The following SEPTIN7 variants were observed in gnomAD, a reference collection of about 807,000 sequenced individuals.
The protein encoded by SEPTIN7 is septin 7, also known as septin-7.
A neutral mutation model predicts 63.3 loss-of-function variants in SEPTIN7; 10 were observed. The observed-to-expected ratio is 0.16, with a 90% CI of 0.10 to 0.27. The LOEUF (loss-of-function observed/expected upper bound fraction) is 0.27. SEPTIN7 is among the 10% of genes least tolerant of loss of function. SEPTIN7 has a pLI of 1.00. For synonymous variants in SEPTIN7, 131 were observed against 165.3 expected, an observed-to-expected ratio of 0.79 and a Z score of 1.59; for missense variants, 310 against 521.0, an observed-to-expected ratio of 0.59 and a Z score of 3.94.
chr7:35,861,461 T>A (rs1785505048), intron 3 of SEPTIN7, among the ~76,000 whole-genome samples: 1 of 152,238 alleles, frequency 6.6e-6, no homozygotes, highest in African/African-American at 2.4e-5. Context: ...TAGTTGAGCA[T>A]GCCCTTAACG....
At chr7:35,835,318 C>T (rs1420643) in intron 3 of SEPTIN7, among the ~76,000 whole-genome samples, 1 of 151,910 alleles carries the variant, frequency 6.6e-6, no homozygotes, top group Non-Finnish European at 1.5e-5. Flanking sequence ...GTCCTGTTGG[C>T]GGAAATAATA....
At chr7:35,833,046 A>T (rs1390967621) in intron 3 of SEPTIN7, 146 bp downstream of exon 3, 1 of 567,878 alleles carries the variant, frequency 1.8e-6, no homozygotes, top group East Asian at 2.9e-5. Flanking sequence ...TACATTTTAA[A>T]ATTTAACTCA....
intron 6 of SEPTIN7, among the ~76,000 whole-genome samples, chr7:35,874,893 A>G (rs1478019478): frequency 1.3e-5 from 2 of 152,162 alleles, no homozygotes; most frequent in African/African-American, 4.8e-5. Context: ...AAAATACAAC[A>G]TATTATATAA....
intron 4 of SEPTIN7, among the ~76,000 whole-genome samples, chr7:35,869,521 T>G (rs1786021126): frequency 6.6e-6 from 1 of 152,206 alleles, no homozygotes; most frequent in Non-Finnish European, 1.5e-5. Flanking sequence ...GGTAGGCTCT[T>G]GACAGAAAAT....
At chr7:35,846,930 T>A (rs189434437) in intron 3 of SEPTIN7, 1 of 152,278 alleles carries the variant, frequency 6.6e-6, no homozygotes, top group Non-Finnish European at 1.5e-5. Context: ...AGATCTTTAT[T>A]AGCAGATACC....
At chr7:35,882,685 A>G (rs1786963741) in intron 8 of SEPTIN7, 109 bp downstream of exon 8, 1 of 985,176 alleles carries the variant, frequency 1.0e-6, no homozygotes, top group Non-Finnish European at 1.3e-6. Context: ...TTGGCTTACA[A>G]AATACCTAGG....
chr7:35,839,804 C>T (rs1478905080), intron 3 of SEPTIN7, among the ~76,000 whole-genome samples: 8 of 152,150 alleles, frequency 5.3e-5, no homozygotes, highest in East Asian at 1.9e-4. Flanking sequence ...CCACTTGCCT[C>T]GGCCTCCCAA....
downstream of SEPTIN7, among the ~76,000 whole-genome samples, chr7:35,907,592 G>C (rs371447928): frequency 2.0e-5 from 3 of 152,112 alleles, no homozygotes; most frequent in East Asian, 5.8e-4. Flanking sequence ...AGTTTGAACT[G>C]GTCTTAGTTA....
In SEPTIN7 at chr7:35,904,463, T is replaced by C. The variant is rs1788503788; in HGVS notation, c.*170T>C. The C allele has an allele frequency of 6.0e-6, 3 of 503,714 alleles. No individual in the cohort carries two copies. The highest frequency in any genetic ancestry group is 6.9e-6 in the Non-Finnish European group (2 of 290,146). The allele number at this position is 503,714 out of a possible 1,614,324, so 31.2% of individuals were successfully genotyped here. A position where few individuals can be genotyped will look rare whatever the true frequency, so the allele number is the denominator to read the frequency against. On this transcript the variant is annotated 3_prime_UTR_variant, in exon 14 of 14. Transcript: ENST00000350320. ...GTTCTTGATGGAGATTAAGATGCCT[T>C]GAATTGTCTAGGGTGTTCTGTACTT...
At chr7:35,810,440 C>T (rs1349477512) in intron 1 of SEPTIN7, among the ~76,000 whole-genome samples, 1 of 151,890 alleles carries the variant, frequency 6.6e-6, no homozygotes, top group Non-Finnish European at 1.5e-5. Context: ...TCTTCTGCCT[C>T]AGCCTCCCGA....
At chr7:35,914,481 G>C in the SEPTIN7 span, among the ~76,000 whole-genome samples, 1 of 152,092 alleles carries the variant, frequency 6.6e-6, no homozygotes, top group African/African-American at 2.4e-5. Flanking sequence ...TTATGCCTCC[G>C]GGCTTTCTTT....
chr7:35,848,368 C>T (rs1235872016), intron 3 of SEPTIN7, among the ~76,000 whole-genome samples: 1 of 151,800 alleles, frequency 6.6e-6, no homozygotes, highest in Non-Finnish European at 1.5e-5. Context: ...CCCGGGTTCA[C>T]GCCATTCTCC....
chr7:35,846,127 C>T (rs1184149571), intron 3 of SEPTIN7, among the ~76,000 whole-genome samples: 2 of 152,144 alleles, frequency 1.3e-5, no homozygotes, highest in African/African-American at 2.4e-5. Context: ...TGTTATTTTT[C>T]TGCATCTTAG....
intron 3 of SEPTIN7, among the ~76,000 whole-genome samples, chr7:35,854,443 C>G (rs1335055428): frequency 6.6e-6 from 1 of 152,216 alleles, no homozygotes; most frequent in Non-Finnish European, 1.5e-5. Context: ...GGGATGCTAA[C>G]TGGCTTCTAA....
At chr7:35,888,928 A>G (rs547678554) in intron 10 of SEPTIN7, 2 of 298,818 alleles carry the variant, frequency 6.7e-6, no homozygotes, top group South Asian at 2.9e-5. Context: ...ACTGGTTCCA[A>G]AAAGTGTTTA....
At chr7:35,804,944 A>G (rs1788236997) in intron 1 of SEPTIN7, among the ~76,000 whole-genome samples, 1 of 150,038 alleles carries the variant, frequency 6.7e-6, no homozygotes, top group Non-Finnish European at 1.5e-5. Context: ...GGGTTCAAGC[A>G]GTTCTCCTGT....
intron 9 of SEPTIN7, among the ~76,000 whole-genome samples, chr7:35,885,509 A>T (rs1481308688): frequency 6.6e-6 from 1 of 152,178 alleles, no homozygotes; most frequent in Non-Finnish European, 1.5e-5. Flanking sequence ...TGAATTTTTT[A>T]AATGTATTAT....
intron 1 of SEPTIN7, among the ~76,000 whole-genome samples, chr7:35,810,076 G>C (rs1056065481): frequency 2.6e-5 from 4 of 152,168 alleles, no homozygotes; most frequent in African/African-American, 9.7e-5. Flanking sequence ...ACATGAAATT[G>C]AGAGGCCTGG....
chr7:35,875,561 A>G (rs1287025017), intron 6 of SEPTIN7, among the ~76,000 whole-genome samples: 1 of 152,192 alleles, frequency 6.6e-6, no homozygotes, highest in Non-Finnish European at 1.5e-5. Flanking sequence ...ACCTCCCTCT[A>G]CCAAGTATGA....
Sources: gnomAD v4.1 joint callset for allele counts (sites outside exome capture counted in the v4.1 genomes callset) on GRCh38, gnomAD v4.1.1 for gene constraint, MANE v1.5 for transcripts, NCBI Gene and HGNC (gene_info 2026-07-23, HGNC 2026-07-21) for gene names.